Variants in FOXN3 observed in about 807,000 individuals in gnomAD.
FOXN3 encodes the protein forkhead box protein N3.
In FOXN3, 7 loss-of-function variants were observed where a neutral mutation model predicts 38.4. The ratio of observed to expected loss-of-function variants is 0.18; its 90% CI spans 0.10 to 0.34. The LOEUF is 0.34. Among genes scored for constraint, FOXN3 ranks in the 10% least tolerant of loss-of-function variants. The probability of loss-of-function intolerance (pLI) is 1.00; values close to 1 mark genes in which losing one functional copy is unlikely to be tolerated. For missense variants in FOXN3, 456 were observed against 613.4 expected, an observed-to-expected ratio of 0.74 and a Z score of 2.71; for synonymous variants, 230 against 242.2, an observed-to-expected ratio of 0.95 and a Z score of 0.47.
At chr14:89,489,857 C>T (rs9323842) in intron 1 of FOXN3, among the ~76,000 whole-genome samples, 20,770 of 152,198 alleles carry the variant, frequency 0.14, 4,390 homozygotes, top group African/African-American at 0.46. Flanking sequence ...TACACACACG[C>T]GCGCGCATGC....
intron 1 of FOXN3, among the ~76,000 whole-genome samples, chr14:89,553,081 A>T (rs1490121621): frequency 6.6e-6 from 1 of 151,928 alleles, no homozygotes; most frequent in East Asian, 1.9e-4. Context: ...TCTACAAAAA[A>T]TACAAAAGTT....
Position 89,410,886 on chromosome 14 carries a change from G to GA in FOXN3, c.543+1047dup, listed in dbSNP as rs1372382824. On this transcript the variant is annotated intron_variant, in intron 2 of 5. Transcript: ENST00000557258. Reference sequence around the variant, plus strand: ...AGACCCTGGTCCCAAAAAAAAAGAGGAAAAAAAAGAAAAAAGAAAAAAGAA... The same window carrying GA: ...AGACCCTGGTCCCAAAAAAAAAGAGGAAAAAAAAAGAAAAAAGAAAAAAGAA... Among the ~76,000 whole-genome samples, 11 of 145,946 alleles carry GA rather than the reference G, an allele frequency of 7.5e-5. No individual in the cohort carries two copies. In the South Asian group the frequency reaches 1.5e-3, roughly 20 times the overall value.
intron 4 of FOXN3, among the ~76,000 whole-genome samples, chr14:89,219,144 C>T (rs1025500272): frequency 6.6e-6 from 1 of 152,148 alleles, no homozygotes; most frequent in Non-Finnish European, 1.5e-5. Context: ...GTAATCCCCA[C>T]ATGTCAGGGG....
Position 89,162,252 on chromosome 14 carries a change from G to C in FOXN3, c.*162C>G. On this transcript the variant is annotated 3_prime_UTR_variant, in exon 6 of 6. Coordinates refer to ENST00000557258, the MANE Select transcript of FOXN3 (RefSeq NM_005197.4). This position sits in a 1 kb window ranked among gnomAD's most constrained non-coding sequence, Gnocchi z 7.2. Reference sequence around the variant, plus strand: ...CTTAAGGGTCCAAAACAAAGAAGAGGGGGCAAATTAAAACAAAATAAAAGG... The same window carrying C: ...CTTAAGGGTCCAAAACAAAGAAGAGCGGGCAAATTAAAACAAAATAAAAGG... 1.7e-6 allele frequency: 1 copy of C among 577,016 alleles called. No individual in the cohort carries two copies. Among genetic ancestry groups the C allele is most frequent in the Non-Finnish European group, 2.9e-6 (1 of 347,862 alleles). 35.7% of individuals were successfully genotyped at this position (577,016 alleles called of 1,614,324 possible).
At chr14:89,438,914 C>T (rs907271745) in intron 1 of FOXN3, among the ~76,000 whole-genome samples, 1 of 152,098 alleles carries the variant, frequency 6.6e-6, no homozygotes. Context: ...GCATGCACCA[C>T]CACGCCCAGC....
intron 5 of FOXN3, among the ~76,000 whole-genome samples, chr14:89,167,189 A>T (rs968880462): frequency 2.6e-5 from 4 of 152,260 alleles, no homozygotes; most frequent in Non-Finnish European, 5.9e-5. Flanking sequence ...TAGTTGGAAA[A>T]TATCAAACAT....
chr14:89,503,763 C>T (rs1040904376), intron 1 of FOXN3, among the ~76,000 whole-genome samples: 1 of 152,158 alleles, frequency 6.6e-6, no homozygotes, highest in East Asian at 1.9e-4. Flanking sequence ...TGTTTGGTCA[C>T]TGGTGAAGGA....
chr14:89,285,523 CAAAAAA>C (rs57236792), intron 3 of FOXN3, among the ~76,000 whole-genome samples: 2 of 132,574 alleles, frequency 1.5e-5, no homozygotes, highest in African/African-American at 3.0e-5. Context: ...CGTCTCAAAA[CAAAAAA>C]AAAAAAAGAG....
At chr14:89,246,251 T>C (rs1172428084) in intron 4 of FOXN3, among the ~76,000 whole-genome samples, 1 of 152,154 alleles carries the variant, frequency 6.6e-6, no homozygotes, top group African/African-American at 2.4e-5. Flanking sequence ...ACCCTCACAG[T>C]AAAGGGCTAA....
intron 4 of FOXN3, among the ~76,000 whole-genome samples, chr14:89,258,053 C>A (rs942224282): frequency 1.3e-5 from 2 of 152,086 alleles, no homozygotes; most frequent in African/African-American, 4.8e-5. Context: ...GAATGACCAA[C>A]CATCCTTGAG....
intron 1 of FOXN3, among the ~76,000 whole-genome samples, chr14:89,492,583 G>A (rs1893602893): frequency 6.6e-6 from 1 of 152,204 alleles, no homozygotes; most frequent in South Asian, 2.1e-4. Context: ...ATGGTGGTAT[G>A]TGCCTGTTGT....
At chr14:89,503,586 C>T (rs1893846628) in intron 1 of FOXN3, among the ~76,000 whole-genome samples, 2 of 152,292 alleles carry the variant, frequency 1.3e-5, no homozygotes, top group African/African-American at 4.8e-5. Context: ...TCCAATTCTC[C>T]TTACCAACAC....
intron 3 of FOXN3, among the ~76,000 whole-genome samples, chr14:89,336,503 T>A (rs1258912247): frequency 1.3e-5 from 2 of 152,206 alleles, no homozygotes; most frequent in East Asian, 3.8e-4. Context: ...AGGTGGCAAA[T>A]TACCTTGAGA....
chr14:89,219,481 A>G (rs984155334), intron 4 of FOXN3, among the ~76,000 whole-genome samples: 5 of 152,220 alleles, frequency 3.3e-5, no homozygotes, highest in Admixed American at 1.3e-4. Flanking sequence ...GTGTTTGCAC[A>G]TGTGTTCCCA....
At chr14:89,243,563 G>A (rs1344714855) in intron 4 of FOXN3, among the ~76,000 whole-genome samples, 3 of 152,120 alleles carry the variant, frequency 2.0e-5, no homozygotes, top group East Asian at 1.9e-4. Flanking sequence ...ATGTATCCTT[G>A]ATGACTGCAA....
chr14:89,321,108 C>T (rs1446283767), intron 3 of FOXN3, among the ~76,000 whole-genome samples: 2 of 151,348 alleles, frequency 1.3e-5, no homozygotes, highest in Admixed American at 6.6e-5. Flanking sequence ...GGCAATATGG[C>T]GAAAACCCCT....
At chr14:89,477,471 T>C (rs1165386952) in intron 1 of FOXN3, among the ~76,000 whole-genome samples, 2 of 152,234 alleles carry the variant, frequency 1.3e-5, no homozygotes, top group Non-Finnish European at 2.9e-5. Context: ...GAAAGTAGTT[T>C]ATGTGCTTCT....
intron 1 of FOXN3, among the ~76,000 whole-genome samples, chr14:89,553,635 T>TC (rs1387415095): frequency 6.6e-5 from 10 of 151,766 alleles, no homozygotes; most frequent in Admixed American, 5.3e-4. Context: ...GGAGATGAAT[T>TC]CCCCCGGCAG....
At chr14:89,413,734 A>G (rs1378580332) in intron 1 of FOXN3, among the ~76,000 whole-genome samples, 2 of 142,886 alleles carry the variant, frequency 1.4e-5, no homozygotes, top group African/African-American at 5.2e-5. Flanking sequence ...GGGGGAAGGG[A>G]AGGGAGAAGG....
Sources: allele counts gnomAD v4.1 joint callset (sites outside exome capture counted in the v4.1 genomes callset), GRCh38; gene constraint gnomAD v4.1.1; non-coding constraint Gnocchi (gnomAD v3.1); transcripts MANE v1.5; gene names NCBI Gene and HGNC (gene_info 2026-07-23, HGNC 2026-07-21).